The following ADARB2 variants were observed in gnomAD, a reference collection of about 807,000 sequenced individuals.
ADARB2 encodes inactive double-stranded RNA-specific editase B2.
A neutral mutation model predicts 62.2 loss-of-function variants in ADARB2; 25 were observed. That is an observed-to-expected ratio of 0.40 (90% CI 0.29 to 0.56). The LOEUF (loss-of-function observed/expected upper bound fraction) is 0.56, where lower values mean the gene tolerates loss of function less well. ADARB2 is among the 20% of genes least tolerant of loss of function. The probability of loss-of-function intolerance (pLI) is 0.43; values close to 1 mark genes in which losing one functional copy is unlikely to be tolerated. For synonymous variants in ADARB2, 572 were observed against 500.8 expected (o/e 1.14, Z -1.90); for missense variants, 1,071 against 1,077.4 (o/e 0.99, Z 0.08).
At chr10:1,533,119 CTTTT>C (rs56227070) in intron 1 of ADARB2, among the ~76,000 whole-genome samples, 55 of 143,772 alleles carry the variant, frequency 3.8e-4, no homozygotes, top group South Asian at 1.6e-3. Context: ...TAAACATCAC[CTTTT>C]TTTTTTTTTT....
chr10:1,480,658 CCTGCA>C (rs112281202), intron 1 of ADARB2, among the ~76,000 whole-genome samples: 40,363 of 151,612 alleles, frequency 0.27, 5,535 homozygotes, highest in East Asian at 0.46. Flanking sequence ...AGATTGTGCC[CCTGCA>C]CTCCAACCTG....
chr10:1,435,146 C>T (rs973218160), intron 1 of ADARB2, among the ~76,000 whole-genome samples: 1 of 152,242 alleles, frequency 6.6e-6, no homozygotes. Flanking sequence ...GGCTGTGCCT[C>T]CAATGAGAGG....
intron 7 of ADARB2, among the ~76,000 whole-genome samples, chr10:1,209,839 G>A (rs781360170): frequency 8.5e-5 from 13 of 152,326 alleles, no homozygotes; most frequent in South Asian, 2.1e-4. Context: ...CACAGAGGAC[G>A]GAGGGGACAT....
chr10:1,404,161 G>A (rs1832687211), intron 1 of ADARB2, among the ~76,000 whole-genome samples: 1 of 152,268 alleles, frequency 6.6e-6, no homozygotes, highest in Non-Finnish European at 1.5e-5. Context: ...GAGCTCTAGA[G>A]GCCAAGCTGC....
chr10:1,504,464 G>A (rs1018105604), intron 1 of ADARB2, among the ~76,000 whole-genome samples: 4 of 152,196 alleles, frequency 2.6e-5, no homozygotes, highest in Non-Finnish European at 4.4e-5. Flanking sequence ...ACGTGTGTAC[G>A]CGGGCATTAT....
chr10:1,619,559 C>G (rs538938613), intron 1 of ADARB2, among the ~76,000 whole-genome samples: 1 of 152,190 alleles, frequency 6.6e-6, no homozygotes, highest in Non-Finnish European at 1.5e-5. Context: ...TCAAGCAATT[C>G]TCCTGTCTCA....
At chr10:1,720,238 G>A (rs1835073355) in intron 1 of ADARB2, among the ~76,000 whole-genome samples, 1 of 152,164 alleles carries the variant, frequency 6.6e-6, no homozygotes, top group Admixed American at 6.5e-5. Context: ...CATGGATGCA[G>A]CTAGAGGCTG....
At chr10:1,614,728 G>A (rs1446807595) in intron 1 of ADARB2, among the ~76,000 whole-genome samples, 3 of 152,162 alleles carry the variant, frequency 2.0e-5, no homozygotes, top group South Asian at 2.1e-4. Context: ...TGGCTAACAC[G>A]GTGAAACCCC....
chr10:1,242,238 G>A lies in ADARB2; in HGVS notation c.1254C>T (p.Gly418=), dbSNP rs560961575. 335 of 1,595,818 alleles carry A rather than the reference G, an allele frequency of 2.1e-4. 2 individuals carry two copies. In the South Asian group the frequency reaches 3.4e-3, roughly 16 times the overall value. ...CCAGCCCCTGGTCACTGAGGTGCTC[G>A]CCGCTGATGCACTTGGTCCCCGAGG... ...ALSSGTKCIS[G]EHLSDQGLVV... is the part of the protein sequence containing the mutation. Residue 418 remains glycine (G), a synonymous_variant, in exon 5 of 10, where the codon GGC becomes GGT. Coordinates refer to ENST00000381312, the MANE Select transcript of ADARB2 (RefSeq NM_018702.4).
At chr10:1,655,961 G>A (rs1258784853) in intron 1 of ADARB2, among the ~76,000 whole-genome samples, 1 of 152,234 alleles carries the variant, frequency 6.6e-6, no homozygotes, top group African/African-American at 2.4e-5. Context: ...GGTTTTGTGT[G>A]AGGTGTGAGG....
At chr10:1,597,389 A>G (rs1332170942) in intron 1 of ADARB2, among the ~76,000 whole-genome samples, 1 of 152,238 alleles carries the variant, frequency 6.6e-6, no homozygotes, top group African/African-American at 2.4e-5. Context: ...TAGGGTCAAT[A>G]CCCAGAATCT....
intron 2 of ADARB2, among the ~76,000 whole-genome samples, chr10:1,374,109 C>T (rs990529821): frequency 1.3e-5 from 2 of 152,220 alleles, no homozygotes; most frequent in Non-Finnish European, 2.9e-5. Flanking sequence ...TTCTGGAGAC[C>T]TCTTAGAATG....
At chr10:1,415,352 G>A (rs2131881732) in intron 1 of ADARB2, among the ~76,000 whole-genome samples, 1 of 152,190 alleles carries the variant, frequency 6.6e-6, no homozygotes, top group Non-Finnish European at 1.5e-5. Flanking sequence ...TGGGATGGAT[G>A]GGTGGATCAT....
chr10:1,543,176 T>C (rs1437996656), intron 1 of ADARB2, among the ~76,000 whole-genome samples: 1 of 152,176 alleles, frequency 6.6e-6, no homozygotes, highest in Non-Finnish European at 1.5e-5. Context: ...GATGGCGGCG[T>C]TGAGAGCCAG....
At chr10:1,208,464 C>T (rs1444611689) in intron 7 of ADARB2, among the ~76,000 whole-genome samples, 1 of 152,198 alleles carries the variant, frequency 6.6e-6, no homozygotes, top group Non-Finnish European at 1.5e-5. Context: ...TCCCTGGCCC[C>T]AGCACTCAGG....
intron 1 of ADARB2, among the ~76,000 whole-genome samples, chr10:1,542,061 C>T (rs1832439315): frequency 2.4e-5 from 1 of 41,870 alleles, no homozygotes; most frequent in East Asian, 6.0e-4. Flanking sequence ...CCGTCCAGAC[C>T]CCACTCACAC....
In ADARB2 at chr10:1,339,829, C is replaced by T. The variant is rs1305350915; in HGVS notation, c.1077+23199G>A. On this transcript the variant is annotated intron_variant, in intron 3 of 9. Coordinates refer to ENST00000381312, the MANE Select transcript of ADARB2 (RefSeq NM_018702.4). ...AGACTTTCAAAAAGGAATGCATTCC[C>T]AACAATATGACACAGAAGGTTTGGA... 7.9e-5 allele frequency among the ~76,000 whole-genome samples: 12 copies of T among 152,178 alleles called. 1 individual carries two copies. Among genetic ancestry groups the T allele is most frequent in the Admixed American group, 7.2e-4 (11 of 15,276 alleles).
intron 1 of ADARB2, among the ~76,000 whole-genome samples, chr10:1,588,666 G>A (rs11250645): frequency 0.039 from 5,983 of 152,250 alleles, 427 homozygotes; most frequent in African/African-American, 0.13. Flanking sequence ...AAGTGGGTTC[G>A]ACAGCCAGAA....
chr10:1,318,459 GC>G (rs1831761986), intron 3 of ADARB2, among the ~76,000 whole-genome samples: 1 of 152,196 alleles, frequency 6.6e-6, no homozygotes, highest in Non-Finnish European at 1.5e-5. Flanking sequence ...CTAGAAACAA[GC>G]AGTACCATTT....
Sources: allele counts gnomAD v4.1 joint callset (sites outside exome capture counted in the v4.1 genomes callset), GRCh38; gene constraint gnomAD v4.1.1; transcripts MANE v1.5; gene names NCBI Gene and HGNC (gene_info 2026-07-23, HGNC 2026-07-21).